ZP4: variants seen among roughly 807,000 people sequenced by gnomAD.
ZP4 encodes zona pellucida sperm-binding protein 4.
ZP4 carries 62 observed loss-of-function variants against 62.3 expected under a neutral mutation model. The ratio of observed to expected loss-of-function variants is 0.99; its 90% CI spans 0.81 to 1.23. The LOEUF is 1.23. ZP4 is among the 50% of genes most tolerant of loss of function. ZP4 has a pLI of 0.00. For synonymous variants in ZP4, 289 were observed against 247.3 expected (o/e 1.17, Z -1.58); for missense variants, 774 against 656.0 (o/e 1.18, Z -1.97).
chr1:237,889,498 A>G (rs535082261), intron 3 of ZP4, among the ~76,000 whole-genome samples: 1 of 151,852 alleles, frequency 6.6e-6, no homozygotes, highest in South Asian at 2.1e-4. Flanking sequence ...GTGTGTTTTT[A>G]GTAGAGATGG....
rs892092071 is a variant in ZP4 at position 237,890,335 on chromosome 1, C to G, written c.175+126G>C. On this transcript the variant is annotated intron_variant, in intron 1 of 11. Coordinates refer to ENST00000366570, the MANE Select transcript of ZP4 (RefSeq NM_021186.5). The stretch of plus-strand genomic sequence containing the variant: ...GATGTAGTTATAACTTAGACTATTT[C>G]TTTTGCAGAAAGATGCAACAGGGCT... 9.4e-6 allele frequency: 14 copies of G among 1,490,930 alleles called. No homozygotes were observed. In the Admixed American group the frequency reaches 2.7e-4, roughly 29 times the overall value. The allele number at this position is 1,490,930 out of a possible 1,614,324, so 92.4% of individuals were successfully genotyped here. A position where few individuals can be genotyped will look rare whatever the true frequency, so the allele number is the denominator to read the frequency against.
rs1459678355 is a variant in ZP4 at position 237,886,783 on chromosome 1, T to G, written c.827A>C (p.Asp276Ala). ...GCCAAGCCCTTACCTGAAGATGCTG[T>G]CACGAGTGACAGAGCCACGGCTCCC... ...KNGSRGSVTR[D>A]SIFRLHVSCS... Residue 276 changes from aspartate to alanine, a missense_variant, in exon 6 of 12, where the codon GAC becomes GCC. Asp to Ala is a moderately radical substitution (Grantham distance 126). Transcript: ENST00000366570. 6.2e-7 allele frequency: 1 copy of G among 1,613,996 alleles called. No individual in the cohort carries two copies. Among genetic ancestry groups the G allele is most frequent in the Admixed American group, 1.7e-5 (1 of 60,012 alleles).
rs979537907 is a variant in ZP4, at chr1:237,886,657, A to C, written c.839+114T>G. 33 of 821,066 alleles carry C rather than the reference A, an allele frequency of 4.0e-5. 1 individual carries two copies. In the Middle Eastern group the frequency reaches 1.1e-3, roughly 28 times the overall value. The allele number at this position is 821,066 out of a possible 1,614,324, so 50.9% of individuals were successfully genotyped here. A position where few individuals can be genotyped will look rare whatever the true frequency, so the allele number is the denominator to read the frequency against. ...AATGGGCAGTGCAATTGGTGAACCA[A>C]GGTAGCAGACAGGTTTTCTCCTATT... On this transcript the variant is annotated intron_variant, in intron 6 of 11. Transcript: ENST00000366570.
At chr1:237,883,720 AGGGCGGGGG>A (rs1664984450) in intron 10 of ZP4, among the ~76,000 whole-genome samples, 1 of 22,540 alleles carries the variant, frequency 4.4e-5, no homozygotes, top group Non-Finnish European at 9.5e-5. Flanking sequence ...AGGGCGGGGG[AGGGCGGGGG>A]AGGGAGAGAG....
Position 237,890,590 on chromosome 1 carries a change from C to T in ZP4, c.46G>A (p.Ala16Thr), listed in dbSNP as rs1242672167. ...TCAGGCTTATGCTGGCCACTCACAG[C>T]AAGAGATAATGAAACACACAGCAAA... ...CVLLCVSLSL[A>T]VSGQHKPEAP... The change falls in exon 1 of 12, where the codon GCT (alanine) becomes ACT (threonine). Residue 16 changes from alanine (A) to threonine (T), a missense_variant. Coordinates refer to ENST00000366570, the MANE Select transcript of ZP4 (RefSeq NM_021186.5). The T allele has an allele frequency of 6.2e-7, 1 of 1,614,092 alleles. No homozygotes were observed.
At position 237,890,067 on chromosome 1, in the gene ZP4, A is replaced by G; in HGVS notation, c.285T>C (p.Tyr95=). ...VVLEATYSSC[Y]VTEWDSHYIM... ...GGGTCATACTCACCCACTCAGTGAC[A>G]TAGCAGCTGCTATAGGTTGCCTCCA... is the stretch of plus-strand genomic sequence containing the variant. Residue 95 remains tyrosine, a synonymous_variant, in exon 2 of 12, where the codon TAT becomes TAC. Coordinates refer to ENST00000366570, the MANE Select transcript of ZP4 (RefSeq NM_021186.5). The G allele has an allele frequency of 6.2e-7, 1 of 1,614,142 alleles. No individual in the cohort carries two copies.
At chr1:237,883,956 TCACA>T (rs142077564) in intron 10 of ZP4, among the ~76,000 whole-genome samples, 11 of 127,194 alleles carry the variant, frequency 8.6e-5, no homozygotes, top group South Asian at 5.2e-4. Context: ...CAAGAACTGG[TCACA>T]CACACAAACA....
chr1:237,883,746 A>G (rs1169833045), intron 10 of ZP4, among the ~76,000 whole-genome samples: 2 of 107,818 alleles, frequency 1.9e-5, no homozygotes, highest in Non-Finnish European at 4.0e-5. Flanking sequence ...AGAGAGGGAG[A>G]GAGAGGGAGA....
Position 237,884,791 on chromosome 1 carries a change from C to T in ZP4, c.1368G>A (p.Val456=). 8 of 1,613,738 alleles carry T rather than the reference C, an allele frequency of 5.0e-6. No homozygotes were observed. The highest frequency in any genetic ancestry group is 6.8e-6 in the Non-Finnish European group (8 of 1,179,892). ...VCQPAETPSC[V]VTCPDLSRRR... is the part of the protein sequence containing the mutation. ...CACGACTGAGATCAGGACAGGTCACCACACAGGATGGTGTCTCAGCAGGCT... is the reference window on the plus strand; with the variant it reads ...CACGACTGAGATCAGGACAGGTCACTACACAGGATGGTGTCTCAGCAGGCT... The change falls in exon 10 of 12, where the codon GTG becomes GTA. Residue 456 remains valine, a synonymous_variant. Transcript: ENST00000366570.
At position 237,882,482 on chromosome 1, in the gene ZP4, C is replaced by G. The variant is rs1664939834; in HGVS notation, c.1563G>C (p.Leu521Phe). 1 of 1,609,882 alleles carries G rather than the reference C, an allele frequency of 6.2e-7. No homozygotes were observed. Among genetic ancestry groups the G allele is most frequent in the African/African-American group, 1.3e-5 (1 of 74,608 alleles). The change falls in exon 12 of 12, where the codon TTG (leucine) becomes TTC (phenylalanine). Residue 521 changes from leucine (L) to phenylalanine (F), a missense_variant. Transcript: ENST00000366570. ...TCTTGACAGCCAAGTAGGATACTAA[C>G]AAGGCTCCAAGGATTAAGGTCCCAG... is the stretch of plus-strand genomic sequence containing the variant. ...GLSGTLILGA[L>F]LVSYLAVKKQ...
rs553379265 is a variant in ZP4 at position 237,885,250 on chromosome 1, G to A, written c.1226C>T (p.Pro409Leu). The A allele has an allele frequency of 4.5e-4, 729 of 1,614,150 alleles. 6 individuals carry two copies. The South Asian group carries it at 7.6e-3, about 17-fold the overall frequency. The change falls in exon 9 of 12, where the codon CCA (proline) becomes CTA (leucine). Residue 409 changes from proline (P) to leucine (L), a missense_variant. Pro to Leu is a moderately conservative substitution (Grantham distance 98, BLOSUM62 -3). Coordinates refer to ENST00000366570, the MANE Select transcript of ZP4 (RefSeq NM_021186.5). ...GAAGCGCTGGTGGTGAGAGGGAAAT[G>A]GAAGATCCAAGGCTTTCTGGACAGG... ...LIPVQKALDL[P>L]FPSHHQRFSI... is the part of the protein sequence containing the mutation.
Position 237,890,174 on chromosome 1 carries a change from T to G in ZP4, c.178A>C (p.Asn60His), listed in dbSNP as rs765721923. The G allele has an allele frequency of 3.1e-6, 5 of 1,613,748 alleles. No individual in the cohort carries two copies. Among genetic ancestry groups the G allele is most frequent in the Non-Finnish European group, 4.2e-6 (5 of 1,179,998 alleles). ...TGCAGCTCGTGCAGCAGCCCTTGGT[T>G]GTCTGGAGGGGTGGGGAAGAGGTGA... ...TSPPVLIAWD[N>H]QGLLHELQND... The change falls in exon 2 of 12, where the codon AAC becomes CAC. Residue 60 changes from asparagine (N) to histidine (H), a missense_variant and splice_region_variant. Coordinates refer to ENST00000366570, the MANE Select transcript of ZP4 (RefSeq NM_021186.5).
chr1:237,889,785 G>A, intron 3 of ZP4, 82 bp downstream of exon 3: 1 of 1,202,606 alleles, frequency 8.3e-7, no homozygotes, highest in Middle Eastern at 2.6e-4. Context: ...TCACTGCACA[G>A]AGCAGGTCAG....
chr1:237,882,673 G>A (rs1287473991), intron 11 of ZP4, 69 bp downstream of exon 11: 15 of 1,591,488 alleles, frequency 9.4e-6, no homozygotes, highest in Non-Finnish European at 1.3e-5. Context: ...AAGAGGGATA[G>A]AAAGGAGGAA....
intron 11 of ZP4, 49 bp from the exon 12 acceptor site, chr1:237,882,598 T>A: frequency 6.4e-7 from 1 of 1,573,832 alleles, no homozygotes; most frequent in Non-Finnish European, 8.6e-7. Context: ...AACCAAGTGA[T>A]TCTGTGTCCT....
Position 237,890,678 on chromosome 1 carries a change from CT to C in ZP4, c.-44del. On this transcript the variant is annotated 5_prime_UTR_variant, in exon 1 of 12. Transcript: ENST00000366570. ...CTGCCGGCTGCAGACTCTCCGCCTC[CT>C]CTCCCAAGAGCCGAGGGTCTGCCTG... is the stretch of plus-strand genomic sequence containing the variant. The C allele has an allele frequency of 6.3e-7, 1 of 1,588,272 alleles. No individual in the cohort carries two copies. Among genetic ancestry groups the C allele is most frequent in the Non-Finnish European group, 8.6e-7 (1 of 1,166,800 alleles).
At chr1:237,884,404 T>TGG in intron 10 of ZP4, among the ~76,000 whole-genome samples, 1 of 152,232 alleles carries the variant, frequency 6.6e-6, no homozygotes, top group African/African-American at 2.4e-5. Flanking sequence ...CCAGTCATTC[T>TGG]ACTTATAGAT....
At position 237,885,804 on chromosome 1, in the gene ZP4, G is replaced by A. The variant is rs371096907; in HGVS notation, c.922C>T (p.Pro308Ser). The A allele has an allele frequency of 1.2e-6, 2 of 1,614,204 alleles. No individual in the cohort carries two copies. The highest frequency in any genetic ancestry group is 1.7e-6 in the Non-Finnish European group (2 of 1,180,034). Reference sequence around the variant, plus strand: ...GTGAGGGGTCCAGGCTGGGTCTCAGGAAAGGGTGGTGGGAGAGTGAAAACC... The same window carrying A: ...GTGAGGGGTCCAGGCTGGGTCTCAGAAAAGGGTGGTGGGAGAGTGAAAACC... ...VQVFTLPPPF[P>S]ETQPGPLTLE... Residue 308 changes from proline to serine, a missense_variant, in exon 7 of 12, where the codon CCT becomes TCT. Transcript: ENST00000366570.
chr1:237,883,710 AGGGCGGG>A (rs1664982882), intron 10 of ZP4, among the ~76,000 whole-genome samples: 1 of 17,496 alleles, frequency 5.7e-5, no homozygotes, highest in Non-Finnish European at 1.0e-4. Flanking sequence ...AGGGCGGGGG[AGGGCGGG>A]GGAGGGCGGG....
Sources: gnomAD v4.1 joint callset for allele counts (sites outside exome capture counted in the v4.1 genomes callset) on GRCh38, gnomAD v4.1.1 for gene constraint, MANE v1.5 for transcripts, NCBI Gene and HGNC (gene_info 2026-07-23, HGNC 2026-07-21) for gene names.